The following NAALADL2 variants were observed in gnomAD, a reference collection of about 807,000 sequenced individuals.
The protein encoded by NAALADL2 is inactive N-acetylated-alpha-linked acidic dipeptidase-like protein 2.
In NAALADL2, 76 loss-of-function variants were observed where a neutral mutation model predicts 87.2. The observed-to-expected ratio is 0.87, with a 90% CI of 0.72 to 1.05. The LOEUF is 1.05. Ranked by LOEUF, NAALADL2 falls within the 50% of genes least tolerant of loss-of-function variation. The pLI, the probability that NAALADL2 is intolerant of heterozygous loss-of-function variation, is 0.00. For synonymous variants in NAALADL2, 354 were observed against 331.0 expected, an observed-to-expected ratio of 1.07 and a Z score of -0.75; for missense variants, 1,089 against 945.8, an observed-to-expected ratio of 1.15 and a Z score of -1.99.
At chr3:175,485,629 A>G (rs1727146613) in intron 9 of NAALADL2, among the ~76,000 whole-genome samples, 1 of 152,110 alleles carries the variant, frequency 6.6e-6, no homozygotes, top group African/African-American at 2.4e-5. Flanking sequence ...AGCAGGGGAG[A>G]AAGATGAAGG....
intron 9 of NAALADL2, among the ~76,000 whole-genome samples, chr3:175,500,939 C>T (rs1160492992): frequency 6.6e-6 from 1 of 151,996 alleles, no homozygotes; most frequent in Non-Finnish European, 1.5e-5. Flanking sequence ...GAAGTTTGAC[C>T]AAATCAAACT....
intron 1 of NAALADL2, among the ~76,000 whole-genome samples, chr3:174,878,483 A>G (rs111798356): frequency 0.019 from 2,930 of 152,132 alleles, 103 homozygotes; most frequent in African/African-American, 0.066. Flanking sequence ...AAAAACCTAC[A>G]TGTTTTGGAT....
intron 5 of NAALADL2, among the ~76,000 whole-genome samples, chr3:175,354,991 T>C (rs984497467): frequency 2.7e-5 from 4 of 148,806 alleles, no homozygotes; most frequent in African/African-American, 9.9e-5. Context: ...ATTTTTCCAA[T>C]TTTATTTATA....
At chr3:175,215,778 A>C (rs559211011) in intron 2 of NAALADL2, among the ~76,000 whole-genome samples, 237 of 152,308 alleles carry the variant, frequency 1.6e-3, no homozygotes, top group African/African-American at 5.5e-3. Context: ...AAACTTTTAA[A>C]ACAGTCTGTC....
chr3:175,567,927 G>C (rs563723618), intron 9 of NAALADL2, among the ~76,000 whole-genome samples: 1 of 151,982 alleles, frequency 6.6e-6, no homozygotes, highest in Non-Finnish European at 1.5e-5. Flanking sequence ...TGTTGGCAAG[G>C]CTGGTCTCGA....
At chr3:175,570,879 C>CA (rs553923028) in intron 9 of NAALADL2, among the ~76,000 whole-genome samples, 2,422 of 77,576 alleles carry the variant, frequency 0.031, 41 homozygotes, top group Middle Eastern at 0.037. Context: ...GACTCCATCT[C>CA]AAAAAAAAAA....
chr3:174,747,621 CAAAA>C (rs150843588), intron 3 of NAALADL2, among the ~76,000 whole-genome samples: 59 of 38,642 alleles, frequency 1.5e-3, no homozygotes, highest in African/African-American at 5.8e-3. Flanking sequence ...GACCCCATCT[CAAAA>C]AAAAAAAAAA....
intron 2 of NAALADL2, among the ~76,000 whole-genome samples, chr3:175,181,733 ATGTGTATATATGTATATATATG>A (rs1736553179): frequency 2.9e-5 from 1 of 34,460 alleles, no homozygotes; most frequent in South Asian, 1.2e-3. Context: ...ATATGTATAT[ATGTGTATATATGTATATATATG>A]TGTGTATATA....
intron 1 of NAALADL2, among the ~76,000 whole-genome samples, chr3:175,028,772 C>A (rs1046820541): frequency 1.3e-5 from 2 of 151,626 alleles, no homozygotes; most frequent in African/African-American, 4.8e-5. Context: ...CCTCTCAATA[C>A]TTTTTTTAGA....
intron 9 of NAALADL2, among the ~76,000 whole-genome samples, chr3:175,508,678 T>C (rs1022097580): frequency 2.0e-5 from 3 of 152,206 alleles, no homozygotes; most frequent in Admixed American, 6.5e-5. Flanking sequence ...AATACATTCA[T>C]TCTTCTGAGT....
intron 3 of NAALADL2, among the ~76,000 whole-genome samples, chr3:174,784,294 G>T (rs1716344249): frequency 6.6e-6 from 1 of 152,072 alleles, no homozygotes; most frequent in African/African-American, 2.4e-5. Context: ...TGCATATGCA[G>T]CTTTGATGGT....
chr3:174,473,135 T>C (rs1717008054), intron 1 of NAALADL2, among the ~76,000 whole-genome samples: 1 of 152,160 alleles, frequency 6.6e-6, no homozygotes, highest in South Asian at 2.1e-4. Flanking sequence ...AACCAAAATT[T>C]TCATATTTGT....
intron 2 of NAALADL2, among the ~76,000 whole-genome samples, chr3:175,190,680 A>G (rs9827133): frequency 0.03 from 4,501 of 152,218 alleles, 204 homozygotes; most frequent in African/African-American, 0.1. Context: ...CAGAGGATGA[A>G]AAGTAACCAA....
Position 175,072,973 on chromosome 3 carries a change from T to C in NAALADL2, c.44-23817T>C, listed in dbSNP as rs557296248. ...TTTTGTTTTATTTTCTTTTAATTTC[T>C]TAGGCTAGATTTTAGAAATGAACTA... On this transcript the variant is annotated intron_variant, in intron 1 of 13. Transcript: ENST00000454872. Among the ~76,000 whole-genome samples, 107 of 152,196 alleles carry C rather than the reference T, an allele frequency of 7.0e-4. 1 individual carries two copies. Among genetic ancestry groups the C allele is most frequent in the African/African-American group, 2.5e-3 (102 of 41,560 alleles).
chr3:174,793,131 T>G (rs1186592479), intron 3 of NAALADL2, among the ~76,000 whole-genome samples: 1 of 152,168 alleles, frequency 6.6e-6, no homozygotes, highest in African/African-American at 2.4e-5. Context: ...TGTGATAAGA[T>G]TTAAAGAAAC....
At chr3:174,676,866 C>T (rs1053535837) in intron 2 of NAALADL2, among the ~76,000 whole-genome samples, 2 of 151,768 alleles carry the variant, frequency 1.3e-5, no homozygotes, top group African/African-American at 2.4e-5. Context: ...AATAAGGAAA[C>T]ATATTTATAG....
chr3:175,118,065 T>G (rs1444185895), intron 2 of NAALADL2, among the ~76,000 whole-genome samples: 1 of 151,704 alleles, frequency 6.6e-6, no homozygotes, highest in Non-Finnish European at 1.5e-5. Context: ...AACTGAACAA[T>G]GAGAACACTT....
At chr3:174,770,871 A>G (rs141592155) in intron 3 of NAALADL2, among the ~76,000 whole-genome samples, 3 of 152,170 alleles carry the variant, frequency 2.0e-5, no homozygotes, top group African/African-American at 4.8e-5. Flanking sequence ...AAAAAAAAAG[A>G]AATACGTATT....
At chr3:175,441,897 T>G (rs1258411939) in intron 5 of NAALADL2, among the ~76,000 whole-genome samples, 1 of 152,164 alleles carries the variant, frequency 6.6e-6, no homozygotes, top group Non-Finnish European at 1.5e-5. Flanking sequence ...TCTTCCCTGA[T>G]GCTGTTTGGC....
Sources: allele counts gnomAD v4.1 joint callset (sites outside exome capture counted in the v4.1 genomes callset), GRCh38; gene constraint gnomAD v4.1.1; transcripts MANE v1.5; gene names NCBI Gene and HGNC (gene_info 2026-07-23, HGNC 2026-07-21).